Variants in MIPEP observed in about 807,000 individuals in gnomAD.
MIPEP encodes mitochondrial intermediate peptidase.
Under a neutral mutation model 90.3 loss-of-function variants are expected in MIPEP, and 79 were observed. The observed-to-expected ratio is 0.87, with a 90% CI of 0.73 to 1.05. MIPEP has a LOEUF of 1.05. MIPEP is among the 50% of genes least tolerant of loss of function. The probability of loss-of-function intolerance (pLI) is 0.00; values close to 1 mark genes in which losing one functional copy is unlikely to be tolerated. For synonymous variants in MIPEP, 334 were observed against 315.8 expected, an observed-to-expected ratio of 1.06 and a Z score of -0.61; for missense variants, 940 against 905.6, an observed-to-expected ratio of 1.04 and a Z score of -0.49.
At chr13:23,843,974 G>A (rs769212528) in intron 10 of MIPEP, among the ~76,000 whole-genome samples, 1 of 152,174 alleles carries the variant, frequency 6.6e-6, no homozygotes, top group South Asian at 2.1e-4. Flanking sequence ...GTGTTTGTGG[G>A]AGAAGAGAGG....
At chr13:23,854,025 T>C (rs895224417) in intron 10 of MIPEP, among the ~76,000 whole-genome samples, 5 of 151,744 alleles carry the variant, frequency 3.3e-5, no homozygotes, top group Non-Finnish European at 5.9e-5. Flanking sequence ...GAAGCAAACA[T>C]AGAAAAATCT....
intron 16 of MIPEP, among the ~76,000 whole-genome samples, chr13:23,780,036 T>C (rs971150546): frequency 9.2e-5 from 14 of 152,334 alleles, no homozygotes; most frequent in African/African-American, 3.4e-4. Context: ...GGGCAGGACA[T>C]TGCCAAACAA....
intron 16 of MIPEP, among the ~76,000 whole-genome samples, chr13:23,789,314 C>T (rs945014564): frequency 2.6e-5 from 4 of 152,202 alleles, no homozygotes; most frequent in African/African-American, 9.7e-5. Flanking sequence ...ATTTCTATTA[C>T]ATTTACCAAC....
chr13:23,810,828 G>T (rs1375320695), intron 14 of MIPEP, among the ~76,000 whole-genome samples: 1 of 152,208 alleles, frequency 6.6e-6, no homozygotes, highest in East Asian at 1.9e-4. Context: ...GTGAAGGAAT[G>T]AACTAATAGA....
intron 10 of MIPEP, among the ~76,000 whole-genome samples, chr13:23,846,616 G>A (rs997225969): frequency 6.6e-6 from 1 of 152,102 alleles, no homozygotes; most frequent in African/African-American, 2.4e-5. Flanking sequence ...TAATTTTACA[G>A]AATAGTTTAA....
At chr13:23,832,611 CG>C (rs1450337283) in intron 14 of MIPEP, among the ~76,000 whole-genome samples, 7 of 152,036 alleles carry the variant, frequency 4.6e-5, no homozygotes, top group Admixed American at 1.3e-4. Context: ...AGAAGTTACG[CG>C]GAAGGTAAAA....
intron 7 of MIPEP, among the ~76,000 whole-genome samples, chr13:23,865,122 A>G (rs1361257195): frequency 6.6e-6 from 1 of 152,248 alleles, no homozygotes; most frequent in African/African-American, 2.4e-5. Flanking sequence ...CCATAAAGGC[A>G]GTGCAGTAGA....
chr13:23,774,086 TTTGAG>T (rs1181628950), intron 16 of MIPEP, among the ~76,000 whole-genome samples: 1 of 152,228 alleles, frequency 6.6e-6, no homozygotes, highest in Non-Finnish European at 1.5e-5. Flanking sequence ...TTTGATCTAT[TTTGAG>T]TTAATTTTTG....
intron 16 of MIPEP, among the ~76,000 whole-genome samples, chr13:23,788,945 G>T (rs1445798388): frequency 6.6e-6 from 1 of 151,960 alleles, no homozygotes. Context: ...CAAGTAGCTG[G>T]GACTACAGGC....
intron 16 of MIPEP, among the ~76,000 whole-genome samples, chr13:23,805,175 C>T (rs1302327259): frequency 6.6e-5 from 10 of 152,200 alleles, no homozygotes; most frequent in African/African-American, 2.2e-4. Flanking sequence ...CTGAGAAAGG[C>T]CTGGGTAACA....
At position 23,889,208 on chromosome 13, in the gene MIPEP, G is replaced by C. The variant is rs756465145; in HGVS notation, c.113C>G (p.Thr38Ser). The C allele has an allele frequency of 3.3e-5, 48 of 1,448,126 alleles. No individual in the cohort carries two copies. Among genetic ancestry groups the C allele is most frequent in the Non-Finnish European group, 3.9e-5 (43 of 1,101,308 alleles). The allele number at this position is 1,448,126 out of a possible 1,614,324, so 89.7% of individuals were successfully genotyped here. A position where few individuals can be genotyped will look rare whatever the true frequency, so the allele number is the denominator to read the frequency against. ...EAGIRARRVS[T>S]SWSPVGAAFN... The stretch of plus-strand genomic sequence containing the variant: ...GGCGGCGCCCACGGGAGACCAGCTG[G>C]TGCTGACCCTTCGGGCCCGGATCCC... Residue 38 changes from threonine (T) to serine (S), a missense_variant, in exon 1 of 19, where the codon ACC (threonine) becomes AGC (serine). Physicochemically the swap from Thr to Ser is moderately conservative, Grantham distance 58. Coordinates refer to ENST00000382172, the MANE Select transcript of MIPEP (RefSeq NM_005932.4).
At chr13:23,867,001 A>G (rs1870569467) in intron 7 of MIPEP, among the ~76,000 whole-genome samples, 1 of 128,170 alleles carries the variant, frequency 7.8e-6, no homozygotes, top group South Asian at 3.4e-4. Context: ...CTTCCCTGCT[A>G]CCACCTGGTC....
chr13:23,839,869 T>G, intron 11 of MIPEP, 143 bp from the exon 12 acceptor site: 45 of 519,442 alleles, frequency 8.7e-5, no homozygotes, highest in East Asian at 1.7e-4. Flanking sequence ...TATCTCGAGA[T>G]AGATTCTCTT....
At chr13:23,777,609 C>T (rs1952733345) in intron 16 of MIPEP, among the ~76,000 whole-genome samples, 1 of 152,114 alleles carries the variant, frequency 6.6e-6, no homozygotes, top group Non-Finnish European at 1.5e-5. Context: ...CGAACATAAA[C>T]TATTTTGAGA....
intron 5 of MIPEP, among the ~76,000 whole-genome samples, chr13:23,871,511 G>A (rs1176740673): frequency 2.0e-5 from 3 of 152,132 alleles, no homozygotes; most frequent in African/African-American, 7.2e-5. Flanking sequence ...CTCCGCACTG[G>A]GCTCATGTTG....
chr13:23,745,867 T>G (rs1261249297), intron 18 of MIPEP, among the ~76,000 whole-genome samples: 1 of 151,252 alleles, frequency 6.6e-6, no homozygotes, highest in Non-Finnish European at 1.5e-5. Context: ...GTGGCAGAGT[T>G]TGCAGTGAGC....
intron 16 of MIPEP, among the ~76,000 whole-genome samples, chr13:23,804,855 T>C (rs578037321): frequency 5.3e-5 from 8 of 152,344 alleles, no homozygotes; most frequent in African/African-American, 1.9e-4. Flanking sequence ...TTCTGCTTTT[T>C]ATAGTTTACA....
chr13:23,880,900 C>T (rs998809954), intron 3 of MIPEP, among the ~76,000 whole-genome samples: 7 of 152,124 alleles, frequency 4.6e-5, no homozygotes, highest in African/African-American at 1.2e-4. Flanking sequence ...ATTGTCTTAT[C>T]GTGTTACCCC....
chr13:23,772,564 T>C (rs1034581706), intron 16 of MIPEP, among the ~76,000 whole-genome samples: 3 of 152,214 alleles, frequency 2.0e-5, no homozygotes, highest in Admixed American at 2.0e-4. Context: ...GTATTTTATA[T>C]ATAGAAGCTC....
Sources: allele counts gnomAD v4.1 joint callset (sites outside exome capture counted in the v4.1 genomes callset), GRCh38; gene constraint gnomAD v4.1.1; transcripts MANE v1.5; gene names NCBI Gene and HGNC (gene_info 2026-07-23, HGNC 2026-07-21).